Variants in PLEKHM3 observed in about 807,000 individuals in gnomAD.
PLEKHM3 encodes pleckstrin homology domain-containing family M member 3.
Under a neutral mutation model 81.8 loss-of-function variants are expected in PLEKHM3, and 45 were observed. The observed-to-expected ratio is 0.55, with a 90% CI of 0.43 to 0.71. The LOEUF (loss-of-function observed/expected upper bound fraction) is 0.71, where lower values mean the gene tolerates loss of function less well. PLEKHM3 is among the 30% of genes least tolerant of loss of function. PLEKHM3 has a pLI of 0.00. For synonymous variants in PLEKHM3, 352 were observed against 356.4 expected (o/e 0.99, Z 0.14); for missense variants, 788 against 924.3 (o/e 0.85, Z 1.91).
At chr2:207,909,457 CA>C (rs1394650683) in intron 5 of PLEKHM3, among the ~76,000 whole-genome samples, 1 of 152,200 alleles carries the variant, frequency 6.6e-6, no homozygotes, top group Non-Finnish European at 1.5e-5. Flanking sequence ...TTATCCAATT[CA>C]CATTTATGAC....
chr2:207,928,310 G>A (rs536705761), intron 5 of PLEKHM3, among the ~76,000 whole-genome samples: 2 of 152,304 alleles, frequency 1.3e-5, no homozygotes, highest in East Asian at 3.9e-4. Flanking sequence ...TACAGGCCTG[G>A]GCCCAGCTAG....
At chr2:207,954,103 C>T (rs560713475) in intron 3 of PLEKHM3, among the ~76,000 whole-genome samples, 4 of 152,246 alleles carry the variant, frequency 2.6e-5, no homozygotes, top group Non-Finnish European at 5.9e-5. Context: ...GGGAGGATTG[C>T]TTGTGGCCAG....
intron 6 of PLEKHM3, among the ~76,000 whole-genome samples, chr2:207,877,911 T>G (rs972301627): frequency 5.9e-5 from 9 of 152,106 alleles, no homozygotes; most frequent in African/African-American, 2.2e-4. Flanking sequence ...GACTGACTGT[T>G]TGATATGTGC....
intron 4 of PLEKHM3, among the ~76,000 whole-genome samples, chr2:207,933,079 T>A (rs1340494654): frequency 1.3e-5 from 2 of 152,206 alleles, no homozygotes; most frequent in Non-Finnish European, 2.9e-5. Flanking sequence ...TGTTGTGTGA[T>A]CCTATAGCAT....
At chr2:207,911,944 A>C (rs2105906427) in intron 5 of PLEKHM3, among the ~76,000 whole-genome samples, 1 of 152,336 alleles carries the variant, frequency 6.6e-6, no homozygotes, top group Admixed American at 6.5e-5. Context: ...TTTTATGATT[A>C]GGGATATACA....
intron 4 of PLEKHM3, among the ~76,000 whole-genome samples, chr2:207,931,389 G>T (rs2105941676): frequency 6.6e-6 from 1 of 152,268 alleles, no homozygotes; most frequent in African/African-American, 2.4e-5. Flanking sequence ...GGCACAGTAT[G>T]GTGCCGTTAT....
intron 6 of PLEKHM3, among the ~76,000 whole-genome samples, chr2:207,889,465 ACACACACACACACACACACG>A (rs1161989216): frequency 8.5e-6 from 1 of 117,248 alleles, no homozygotes; most frequent in African/African-American, 3.0e-5. Context: ...ACACACACAC[ACACACACACACACACACACG>A]GCCCTAACCA....
chr2:208,011,735 G>A (rs1216341740), intron 1 of PLEKHM3, among the ~76,000 whole-genome samples: 1 of 136,340 alleles, frequency 7.3e-6, no homozygotes, highest in Admixed American at 7.6e-5. Flanking sequence ...AATACCTCCT[G>A]TTCCCCACAA....
At chr2:207,900,566 C>T (rs945180251) in intron 6 of PLEKHM3, 2 of 152,210 alleles carry the variant, frequency 1.3e-5, no homozygotes, top group Non-Finnish European at 2.9e-5. Flanking sequence ...ATCTGCCACA[C>T]ACTTGGTCAG....
chr2:208,017,925 A>T (rs1692978978), intron 1 of PLEKHM3, among the ~76,000 whole-genome samples: 1 of 152,122 alleles, frequency 6.6e-6, no homozygotes, highest in Admixed American at 6.6e-5. Flanking sequence ...GGCTCCTCCC[A>T]CTACCCTCTA....
At chr2:207,835,039 C>T (rs560835125) in intron 7 of PLEKHM3, among the ~76,000 whole-genome samples, 11 of 151,296 alleles carry the variant, frequency 7.3e-5, no homozygotes, top group East Asian at 3.9e-4. Context: ...CTTCCGGTTT[C>T]GAGTGATTCT....
chr2:207,854,437 ACT>A (rs1482526649), intron 7 of PLEKHM3, among the ~76,000 whole-genome samples: 1 of 152,198 alleles, frequency 6.6e-6, no homozygotes, highest in African/African-American at 2.4e-5. Context: ...TTTCAGTTAC[ACT>A]GAGATTTTAA....
chr2:207,913,968 C>T (rs752195241), intron 5 of PLEKHM3, among the ~76,000 whole-genome samples: 30 of 152,048 alleles, frequency 2.0e-4, no homozygotes, highest in Non-Finnish European at 3.8e-4. Context: ...CGCGCGTGTG[C>T]GTGCGCACAC....
chr2:207,936,276 T>C (rs779192157), intron 4 of PLEKHM3, among the ~76,000 whole-genome samples: 2 of 152,204 alleles, frequency 1.3e-5, no homozygotes, highest in Non-Finnish European at 2.9e-5. Flanking sequence ...CCAGTCTATT[T>C]GTGTATTTTT....
rs180691336 is a variant in PLEKHM3 at position 207,961,522 on chromosome 2, G to A, written c.1547-15010C>T. On this transcript the variant is annotated intron_variant, in intron 3 of 7. Transcript: ENST00000427836. ...TCTGGAAGTGGTATATGGTAAGTAC[G>A]ACATTTTTTTTCAGTTAAAGGTAAT... is the stretch of plus-strand genomic sequence containing the variant. Among the ~76,000 whole-genome samples, 23 of 152,216 alleles carry A rather than the reference G, an allele frequency of 1.5e-4. No individual in the cohort carries two copies. The South Asian group carries it at 1.9e-3, about 12-fold the overall frequency.
rs532829672 is a variant in PLEKHM3 at position 208,021,390 on chromosome 2, C to T, written c.-319+3999G>A. Among the ~76,000 whole-genome samples, 4 of 152,342 alleles carry T rather than the reference C, an allele frequency of 2.6e-5. No individual in the cohort carries two copies. In the South Asian group the frequency reaches 8.3e-4, roughly 32 times the overall value. On this transcript the variant is annotated intron_variant, in intron 1 of 7. Coordinates refer to ENST00000427836, the MANE Select transcript of PLEKHM3 (RefSeq NM_001080475.3). Reference sequence around the variant, plus strand: ...TTCTATATGACATTCAGCGATCCTTCTACCATGAAGCTTTCACTTATTACC... The same window carrying T: ...TTCTATATGACATTCAGCGATCCTTTTACCATGAAGCTTTCACTTATTACC...
At chr2:207,880,620 G>A (rs868434164) in intron 6 of PLEKHM3, among the ~76,000 whole-genome samples, 12 of 147,968 alleles carry the variant, frequency 8.1e-5, no homozygotes, top group African/African-American at 2.2e-4. Context: ...AAAATTAGCC[G>A]GGCGTGTTGG....
intron 5 of PLEKHM3, among the ~76,000 whole-genome samples, chr2:207,925,234 G>A (rs1689352778): frequency 6.6e-6 from 1 of 151,910 alleles, no homozygotes; most frequent in Admixed American, 6.6e-5. Flanking sequence ...GGAGGATTAA[G>A]GGGCATGGTC....
chr2:207,939,276 A>C (rs1689857864), intron 4 of PLEKHM3, among the ~76,000 whole-genome samples: 1 of 152,248 alleles, frequency 6.6e-6, no homozygotes, highest in South Asian at 2.1e-4. Context: ...AGCAGAGGAT[A>C]GAATGATAAT....
Sources: gnomAD v4.1 joint callset for allele counts (sites outside exome capture counted in the v4.1 genomes callset) on GRCh38, gnomAD v4.1.1 for gene constraint, MANE v1.5 for transcripts, NCBI Gene and HGNC (gene_info 2026-07-23, HGNC 2026-07-21) for gene names.